The following DDX49 variants were observed in gnomAD, a reference collection of about 807,000 sequenced individuals.
DDX49 encodes DEAD-box helicase 49, also known as probable ATP-dependent RNA helicase DDX49.
A neutral mutation model predicts 56.3 loss-of-function variants in DDX49; 50 were observed. The ratio of observed to expected loss-of-function variants is 0.89; its 90% CI spans 0.71 to 1.12. The LOEUF is 1.12. Among genes scored for constraint, DDX49 ranks in the 50% most tolerant of loss-of-function variants. The pLI, the probability that DDX49 is intolerant of heterozygous loss-of-function variation, is 0.00. For missense variants in DDX49, 614 were observed against 650.5 expected (o/e 0.94, Z 0.61); for synonymous variants, 269 against 270.6 (o/e 0.99, Z 0.06).
chr19:18,924,186 C>T (rs780955116), intron 6 of DDX49, 47 bp from the exon 7 acceptor site: 2 of 1,601,784 alleles, frequency 1.2e-6, no homozygotes. Context: ...AACACCTTCC[C>T]AGAACCTGAG....
intron 7 of DDX49, 114 bp from the exon 8 acceptor site, chr19:18,924,509 G>T (rs1448592014): frequency 3.9e-6 from 5 of 1,267,440 alleles, no homozygotes; most frequent in Non-Finnish European, 5.7e-6. Flanking sequence ...ACTTCTCATG[G>T]CCACCTTCCT....
rs1281990552 is a variant in DDX49, at chr19:18,926,329, G to A, written c.1054G>A (p.Val352Met). 6.4e-7 allele frequency: 1 copy of A among 1,558,028 alleles called. No individual in the cohort carries two copies. The highest frequency in any genetic ancestry group is 2.4e-5 in the East Asian group (1 of 42,358). Residue 352 changes from valine to methionine, a missense_variant, in exon 10 of 13, where the codon GTG (valine) becomes ATG (methionine). Physicochemically the swap from Val to Met is conservative, Grantham distance 21. Transcript: ENST00000247003. The stretch of plus-strand genomic sequence containing the variant: ...GCGGCAGGGTCAGGCCATCACGCTG[G>A]TGACACAGTACGACATCCACCTGGT... The part of the protein sequence containing the change: ...AGRQGQAITL[V>M]TQYDIHLVHA...
chr19:18,924,555 TG>T, intron 7 of DDX49, 67 bp from the exon 8 acceptor site: 1 of 1,551,190 alleles, frequency 6.4e-7, no homozygotes, highest in Non-Finnish European at 8.9e-7. Context: ...GCCTCCACCC[TG>T]TCCCGAGGCC....
At chr19:18,925,644 G>C (rs895919613) in intron 9 of DDX49, among the ~76,000 whole-genome samples, 4 of 152,208 alleles carry the variant, frequency 2.6e-5, no homozygotes, top group African/African-American at 4.8e-5. Flanking sequence ...CCCAAGCCAG[G>C]TGATGAACTG....
At chr19:18,921,095 C>T (rs1236688614) in intron 2 of DDX49, among the ~76,000 whole-genome samples, 2 of 151,300 alleles carry the variant, frequency 1.3e-5, no homozygotes, top group African/African-American at 4.9e-5. Context: ...GAGCCAAGAT[C>T]GTGCCATTGC....
rs1342922329 is a variant in DDX49 at position 18,921,668 on chromosome 19, TG to T, written c.247del (p.Ala83ProfsTer15). 5.6e-6 allele frequency: 9 copies of T among 1,614,068 alleles called. No homozygotes were observed. The highest frequency in any genetic ancestry group is 7.6e-6 in the Non-Finnish European group (9 of 1,180,010). On this transcript the variant is annotated frameshift_variant, in exon 3 of 13. Transcript: ENST00000247003. LOFTEE classifies it high-confidence loss of function. ...TGGCCCCTTCACACCCACAGGGAGC[TG>T]GCCTACCAGATCGCAGAGCAGTTCC... ...FCLVLTPTRE[L>X]AYQIAEQFRV...
intron 9 of DDX49, 68 bp downstream of exon 9, chr19:18,925,047 G>A: frequency 1.9e-6 from 3 of 1,553,576 alleles, no homozygotes; most frequent in Non-Finnish European, 2.6e-6. Context: ...AAATTCAGGT[G>A]GTAGGACGTG....
At chr19:18,922,204 G>GA (rs767820600) in intron 4 of DDX49, 122 bp from the exon 5 acceptor site, 2 of 1,312,952 alleles carry the variant, frequency 1.5e-6, no homozygotes, top group Admixed American at 4.2e-5. Context: ...GCCTCCCTTG[G>GA]AAGGAGGGTA....
chr19:18,920,278 C>G lies in DDX49; in HGVS notation c.116-302C>G, dbSNP rs1000245. On this transcript the variant is annotated intron_variant, in intron 1 of 12. Transcript: ENST00000247003. ...CTGCTCCTCTAGCCCAACCCAGTTTCGCCATTAAAGAGAGGCCCACAGGAA... is the reference window on the plus strand; with the variant it reads ...CTGCTCCTCTAGCCCAACCCAGTTTGGCCATTAAAGAGAGGCCCACAGGAA... 4.6e-3 allele frequency among the ~76,000 whole-genome samples: 701 copies of G among 152,254 alleles called. 4 individuals are homozygous for G. The highest frequency in any genetic ancestry group is 0.016 in the African/African-American group (669 of 41,536).
rs2056985303 is a variant in DDX49 at position 18,928,572 on chromosome 19, ACC to A, written c.*261_*262del. On this transcript the variant is annotated 3_prime_UTR_variant, in exon 13 of 13. Transcript: ENST00000247003. ...GAGGTTGTGACCCCAACCCAAGGTC[ACC>A]CCCCAGGGGTGCCGCATACAGGAGG... The A allele has an allele frequency of 2.0e-6, 1 of 494,428 alleles. No individual in the cohort carries two copies. Among genetic ancestry groups the A allele is most frequent in the Non-Finnish European group, 3.6e-6 (1 of 280,826 alleles). The allele number at this position is 494,428 out of a possible 1,614,324, so 30.6% of individuals were successfully genotyped here. A position where few individuals can be genotyped will look rare whatever the true frequency, so the allele number is the denominator to read the frequency against.
chr19:18,919,903 C>A, intron 1 of DDX49, 47 bp downstream of exon 1: 1 of 1,395,486 alleles, frequency 7.2e-7, no homozygotes, highest in Non-Finnish European at 9.9e-7. Flanking sequence ...CCGCTCCTCT[C>A]GACTCCTTTC....
intron 10 of DDX49, among the ~76,000 whole-genome samples, chr19:18,927,428 T>A (rs1368591851): frequency 6.6e-6 from 1 of 151,670 alleles, no homozygotes; most frequent in Non-Finnish European, 1.5e-5. Context: ...TGCAAGAAAT[T>A]AATATTCATG....
chr19:18,920,703 G>T lies in DDX49; in HGVS notation c.239G>T (p.Arg80Met). ...TTCTGCCTCGTCCTGACACCCACCA[G>T]GTAAGCCCCCAGCAGGCCTCCTGGG... ...GIFCLVLTPTRELAYQIAEQF... is the reference protein window; with the variant it reads ...GIFCLVLTPTMELAYQIAEQF... Residue 80 changes from arginine to methionine, a missense_variant and splice_region_variant, in exon 2 of 13, where the codon AGG (arginine) becomes ATG (methionine). Arg to Met is a moderately conservative substitution (Grantham distance 91). Coordinates refer to ENST00000247003, the MANE Select transcript of DDX49 (RefSeq NM_019070.5). 6.3e-7 allele frequency: 1 copy of T among 1,594,704 alleles called. No homozygotes were observed. Among genetic ancestry groups the T allele is most frequent in the Admixed American group, 1.7e-5 (1 of 59,634 alleles).
intron 10 of DDX49, among the ~76,000 whole-genome samples, chr19:18,927,070 C>CAAA (rs35034273): frequency 1.7e-4 from 13 of 74,754 alleles, no homozygotes; most frequent in East Asian, 9.7e-4. Context: ...GACTCTGTCT[C>CAAA]AAAAAAAAAA....
Position 18,924,300 on chromosome 19 carries a change from A to G in DDX49, c.844A>G (p.Met282Val), listed in dbSNP as rs777122683. The G allele has an allele frequency of 9.3e-6, 15 of 1,613,610 alleles. No individual in the cohort carries two copies. The highest frequency in any genetic ancestry group is 1.2e-5 in the Non-Finnish European group (14 of 1,179,940). Reference protein sequence around the residue: ...SFPTVALHSMMKQKERFAALA... With the variant: ...SFPTVALHSMVKQKERFAALA... ...CCCCACCGTGGCTCTGCACTCCATGATGAAGCAGGTGAGGCCACCCTGGGG... is the reference window on the plus strand; with the variant it reads ...CCCCACCGTGGCTCTGCACTCCATGGTGAAGCAGGTGAGGCCACCCTGGGG... The change falls in exon 7 of 13, where the codon ATG becomes GTG. Residue 282 changes from methionine to valine, a missense_variant. By Grantham distance (21) the Met-to-Val change is conservative (BLOSUM62 1). Transcript: ENST00000247003.
Position 18,928,358 on chromosome 19 carries a change from A to T in DDX49, c.*42A>T. 1 of 1,460,666 alleles carries T rather than the reference A, an allele frequency of 6.8e-7. No homozygotes were observed. Among genetic ancestry groups the T allele is most frequent in the Non-Finnish European group, 9.0e-7 (1 of 1,106,554 alleles). The allele number at this position is 1,460,666 out of a possible 1,614,324, so 90.5% of individuals were successfully genotyped here. ...TGCCCAGTCCTTGACTCGTCCATGG[A>T]GCTGAGGGTCGGAGGAACCTTCCTT... On this transcript the variant is annotated 3_prime_UTR_variant, in exon 13 of 13. Transcript: ENST00000247003.
chr19:18,927,300 T>C (rs548169873), intron 10 of DDX49, among the ~76,000 whole-genome samples: 1 of 151,946 alleles, frequency 6.6e-6, no homozygotes, highest in South Asian at 2.1e-4. Context: ...GTTGGAAGAT[T>C]GCTTGAGCGG....
Position 18,922,365 on chromosome 19 carries a change from A to T in DDX49, c.487A>T (p.Thr163Ser), listed in dbSNP as rs747154354. Residue 163 changes from threonine to serine, a missense_variant, in exon 5 of 13, where the codon ACT (threonine) becomes TCT (serine). Coordinates refer to ENST00000247003, the MANE Select transcript of DDX49 (RefSeq NM_019070.5). Reference sequence around the variant, plus strand: ...AGACCGGCTGCTGGAACAGGGCTGCACTGACTTCACCGTGGACCTGGAGGC... The same window carrying T: ...AGACCGGCTGCTGGAACAGGGCTGCTCTGACTTCACCGTGGACCTGGAGGC... ...EADRLLEQGC[T>S]DFTVDLEAIL... 1 of 1,611,832 alleles carries T rather than the reference A, an allele frequency of 6.2e-7. No homozygotes were observed. The highest frequency in any genetic ancestry group is 1.3e-5 in the African/African-American group (1 of 74,940).
At chr19:18,920,192 T>C (rs983809618) in intron 1 of DDX49, among the ~76,000 whole-genome samples, 2 of 152,166 alleles carry the variant, frequency 1.3e-5, no homozygotes, top group Non-Finnish European at 2.9e-5. Flanking sequence ...GCTGTCAAAA[T>C]TGCTGGTAGA....
Sources: allele counts gnomAD v4.1 joint callset (sites outside exome capture counted in the v4.1 genomes callset), GRCh38; gene constraint gnomAD v4.1.1; transcripts MANE v1.5; gene names NCBI Gene and HGNC (gene_info 2026-07-23, HGNC 2026-07-21).